FBXL2: variants seen among roughly 807,000 people sequenced by gnomAD.
The protein encoded by FBXL2 is F-box and leucine rich repeat protein 2, also known as F-box/LRR-repeat protein 2.
FBXL2 carries 38 observed loss-of-function variants against 69.2 expected under a neutral mutation model. The observed-to-expected ratio is 0.55, with a 90% CI of 0.42 to 0.72. The LOEUF is 0.72. FBXL2 is among the 30% of genes least tolerant of loss of function. The pLI is 0.00. For missense variants in FBXL2, 354 were observed against 520.3 expected, an observed-to-expected ratio of 0.68 and a Z score of 3.11; for synonymous variants, 192 against 201.3, an observed-to-expected ratio of 0.95 and a Z score of 0.39.
intron 2 of FBXL2, 182 bp downstream of exon 2, chr3:33,297,907 A>G: frequency 1.5e-6 from 1 of 646,190 alleles, no homozygotes; most frequent in East Asian, 3.0e-5. Flanking sequence ...ACTTGGTCTA[A>G]TCCAGAATGT....
At chr3:33,284,854 G>C (rs2125679058) in intron 1 of FBXL2, among the ~76,000 whole-genome samples, 1 of 152,250 alleles carries the variant, frequency 6.6e-6, no homozygotes, top group Middle Eastern at 3.4e-3. Context: ...TTTTATCAAA[G>C]ATAGAATTGC....
intron 2 of FBXL2, among the ~76,000 whole-genome samples, chr3:33,343,707 A>C (rs1226282477): frequency 6.6e-6 from 1 of 152,086 alleles, no homozygotes; most frequent in Non-Finnish European, 1.5e-5. Context: ...CCAGTTTTTA[A>C]AAAATTTTGT....
intron 2 of FBXL2, among the ~76,000 whole-genome samples, chr3:33,350,559 G>A (rs1464651830): frequency 4.0e-5 from 6 of 151,790 alleles, no homozygotes; most frequent in East Asian, 3.9e-4. Context: ...CAGCCTCCCC[G>A]GTAGCTGGGA....
At chr3:33,392,808 A>G (rs1368728503), downstream of FBXL2, 2 of 530,230 alleles carry the variant, frequency 3.8e-6, no homozygotes, top group Non-Finnish European at 6.5e-6. Context: ...CCTGTCCATA[A>G]TGGTCCCTGA....
At chr3:33,317,453 T>C in intron 2 of FBXL2, 2 of 456,612 alleles carry the variant, frequency 4.4e-6, no homozygotes, top group Non-Finnish European at 8.8e-6. Flanking sequence ...CTCCCTCAAC[T>C]ACTGTCTCTC....
chr3:33,317,283 G>A (rs1390924227), intron 2 of FBXL2, among the ~76,000 whole-genome samples: 1 of 152,118 alleles, frequency 6.6e-6, no homozygotes, highest in African/African-American at 2.4e-5. Context: ...CACCGTGTTG[G>A]TGATTATTCT....
intron 1 of FBXL2, among the ~76,000 whole-genome samples, chr3:33,294,735 T>A (rs1052946865): frequency 6.0e-5 from 9 of 151,252 alleles, no homozygotes; most frequent in African/African-American, 2.2e-4. Flanking sequence ...CCCAGCTACT[T>A]GGGAAGCTGA....
chr3:33,382,825 A>C (rs1250827919), intron 13 of FBXL2: 4 of 152,194 alleles, frequency 2.6e-5, no homozygotes, highest in African/African-American at 7.2e-5. Context: ...TTGGAATCAG[A>C]ACTAAATTTC....
At position 33,283,569 on chromosome 3, in the gene FBXL2, A is replaced by T. The variant is rs530354743; in HGVS notation, c.3+6054A>T. On this transcript the variant is annotated intron_variant, in intron 1 of 14. Transcript: ENST00000484457. ...AGGATGATGTTGGCCTCATAAAATGAGTTAGGGAGGATACCCTCTTTTTCT... is the reference window on the plus strand; with the variant it reads ...AGGATGATGTTGGCCTCATAAAATGTGTTAGGGAGGATACCCTCTTTTTCT... Among the ~76,000 whole-genome samples, 30 of 152,294 alleles carry T rather than the reference A, an allele frequency of 2.0e-4. No individual in the cohort carries two copies. The East Asian group carries it at 5.6e-3, about 28-fold the overall frequency.
At chr3:33,303,641 G>A (rs187725596) in intron 2 of FBXL2, among the ~76,000 whole-genome samples, 1 of 152,040 alleles carries the variant, frequency 6.6e-6, no homozygotes, top group Non-Finnish European at 1.5e-5. Context: ...GAAAAGATTG[G>A]TGAATTTGAC....
At position 33,375,326 on chromosome 3, in the gene FBXL2, C is replaced by T; in HGVS notation, c.696C>T (p.Gly232=). ...AAGGTGTGGTGCAGATATGCAGGGG[C>T]TGTCACCGGCTACAGGCTCTCTGCC... The part of the protein sequence containing the change: ...TDEGVVQICR[G]CHRLQALCLS... The change falls in exon 10 of 15, where the codon GGC becomes GGT. Residue 232 remains glycine, a synonymous_variant. Coordinates refer to ENST00000484457, the MANE Select transcript of FBXL2 (RefSeq NM_012157.5). 6.2e-7 allele frequency: 1 copy of T among 1,614,222 alleles called. No homozygotes were observed. Among genetic ancestry groups the T allele is most frequent in the Non-Finnish European group, 8.5e-7 (1 of 1,180,028 alleles).
chr3:33,390,263 G>T, downstream of FBXL2: 1 of 1,463,244 alleles, frequency 6.8e-7, no homozygotes, highest in South Asian at 1.2e-5. Context: ...AGACTTCTTG[G>T]ATTCAGTCTT....
chr3:33,384,798 T>G (rs1473545280), intron 14 of FBXL2, among the ~76,000 whole-genome samples: 1 of 152,080 alleles, frequency 6.6e-6, no homozygotes, highest in African/African-American at 2.4e-5. Flanking sequence ...CCCAGCACTT[T>G]GGGAGGCCGA....
chr3:33,408,313 T>A (rs2154057081), downstream of FBXL2, among the ~76,000 whole-genome samples: 1 of 152,238 alleles, frequency 6.6e-6, no homozygotes, highest in East Asian at 1.9e-4. Context: ...TACACAAAAA[T>A]AATAGCTAAT....
At chr3:33,323,746 G>A (rs574159853) in intron 2 of FBXL2, among the ~76,000 whole-genome samples, 1 of 152,242 alleles carries the variant, frequency 6.6e-6, no homozygotes, top group Non-Finnish European at 1.5e-5. Context: ...CTTTGCTATT[G>A]TGAATAGTGC....
chr3:33,411,072 CAAA>C, the FBXL2 span, among the ~76,000 whole-genome samples: 3 of 65,554 alleles, frequency 4.6e-5, no homozygotes, highest in Non-Finnish European at 3.1e-5. Context: ...AACTCCATCT[CAAA>C]AAAAAAAAAA....
intron 2 of FBXL2, among the ~76,000 whole-genome samples, chr3:33,357,931 A>T (rs758583744): frequency 3.3e-5 from 5 of 152,320 alleles, no homozygotes; most frequent in African/African-American, 4.8e-5. Flanking sequence ...GATGGCATCT[A>T]TGCAGTCAGT....
intron 2 of FBXL2, among the ~76,000 whole-genome samples, chr3:33,343,047 A>G (rs1399011944): frequency 1.3e-4 from 20 of 151,614 alleles, no homozygotes; most frequent in Admixed American, 1.1e-3. Context: ...GCCAACAAAT[A>G]TAACTTCTTA....
chr3:33,408,901 T>A, the FBXL2 span: 3 of 1,076,460 alleles, frequency 2.8e-6, no homozygotes, highest in African/African-American at 1.6e-5. Flanking sequence ...AATGCATGAC[T>A]AACAGGATTC....
Sources: allele counts gnomAD v4.1 joint callset (sites outside exome capture counted in the v4.1 genomes callset), GRCh38; gene constraint gnomAD v4.1.1; transcripts MANE v1.5; gene names NCBI Gene and HGNC (gene_info 2026-07-23, HGNC 2026-07-21).